Variants in ERC2 observed in about 807,000 individuals in gnomAD.
ERC2 encodes the protein ELKS/RAB6-interacting/CAST family member 2.
In ERC2, 42 loss-of-function variants were observed where a neutral mutation model predicts 114.8. The ratio of observed to expected loss-of-function variants is 0.37; its 90% CI spans 0.29 to 0.47. The LOEUF is 0.47. ERC2 is among the 20% of genes least tolerant of loss of function. The pLI is 0.99. For missense variants in ERC2, 939 were observed against 1,150.7 expected (o/e 0.82, Z 2.66); for synonymous variants, 454 against 425.5 (o/e 1.07, Z -0.82).
intron 3 of ERC2, among the ~76,000 whole-genome samples, chr3:56,191,595 C>A (rs2047786726): frequency 1.3e-5 from 2 of 152,078 alleles, no homozygotes; most frequent in South Asian, 4.1e-4. Flanking sequence ...GATAGATGAA[C>A]AGATGGGCAG....
intron 13 of ERC2, among the ~76,000 whole-genome samples, chr3:55,910,851 T>C (rs1158954108): frequency 6.6e-6 from 1 of 152,172 alleles, no homozygotes; most frequent in Non-Finnish European, 1.5e-5. Flanking sequence ...ACTAGAATAT[T>C]TTGCTTTGTA....
At chr3:55,614,723 C>G (rs1457802781) in intron 17 of ERC2, among the ~76,000 whole-genome samples, 1 of 152,148 alleles carries the variant, frequency 6.6e-6, no homozygotes, top group African/African-American at 2.4e-5. Context: ...TTAGAGGCCC[C>G]TACAAAGTAG....
chr3:56,185,353 T>C (rs1462260028), intron 3 of ERC2: 1 of 152,216 alleles, frequency 6.6e-6, no homozygotes, highest in African/African-American at 2.4e-5. Context: ...ATTTGAACAT[T>C]ATATTCATCT....
intron 2 of ERC2, among the ~76,000 whole-genome samples, chr3:56,421,177 G>C (rs1301112573): frequency 6.6e-6 from 1 of 152,206 alleles, no homozygotes; most frequent in Non-Finnish European, 1.5e-5. Flanking sequence ...ATAGACAGAA[G>C]TTAACTAGTT....
intron 6 of ERC2, among the ~76,000 whole-genome samples, chr3:56,136,042 T>G (rs1346938702): frequency 6.6e-6 from 1 of 152,170 alleles, no homozygotes; most frequent in Non-Finnish European, 1.5e-5. Flanking sequence ...ATTATTCTAT[T>G]GATTTATTGC....
intron 6 of ERC2, among the ~76,000 whole-genome samples, chr3:56,109,383 T>C (rs748206679): frequency 1.3e-5 from 2 of 152,324 alleles, no homozygotes; most frequent in South Asian, 2.1e-4. Flanking sequence ...TAGTATTCCA[T>C]GCTGTATATG....
At chr3:56,029,458 G>T (rs1008844129) in intron 7 of ERC2, among the ~76,000 whole-genome samples, 2 of 151,974 alleles carry the variant, frequency 1.3e-5, no homozygotes, top group Admixed American at 6.5e-5. Flanking sequence ...ATCAGGGCTT[G>T]GAAATTTCTT....
intron 12 of ERC2, among the ~76,000 whole-genome samples, chr3:55,973,925 T>G (rs1214344583): frequency 6.6e-6 from 1 of 152,156 alleles, no homozygotes; most frequent in African/African-American, 2.4e-5. Flanking sequence ...GGAAGTTTAG[T>G]TAGTCACTTT....
At chr3:56,239,242 C>G (rs1447385012) in intron 3 of ERC2, among the ~76,000 whole-genome samples, 1 of 152,176 alleles carries the variant, frequency 6.6e-6, no homozygotes, top group Non-Finnish European at 1.5e-5. Flanking sequence ...ACGAGCCAGG[C>G]ATGGTGGCTC....
At position 56,199,878 on chromosome 3, in the gene ERC2, T is replaced by A. The variant is rs373105948; in HGVS notation, c.1075-26358A>T. Among the ~76,000 whole-genome samples the A allele has an allele frequency of 1.1e-4, 16 of 152,080 alleles. 1 individual carries two copies. The South Asian group carries it at 3.3e-3, about 32-fold the overall frequency. ...AATGGATGAAGGAGAAACTGTGGAC[T>A]CAGGACACTAGATAAGAAGGGAATG... On this transcript the variant is annotated intron_variant, in intron 3 of 17. Coordinates refer to ENST00000288221, the MANE Select transcript of ERC2 (RefSeq NM_015576.3).
intron 7 of ERC2, among the ~76,000 whole-genome samples, chr3:56,033,353 A>G (rs1395513947): frequency 6.6e-6 from 1 of 152,220 alleles, no homozygotes; most frequent in Non-Finnish European, 1.5e-5. Flanking sequence ...ATGTTCCACT[A>G]TTACAGTTTT....
chr3:56,162,330 C>T (rs1201423521), intron 4 of ERC2, among the ~76,000 whole-genome samples: 3 of 151,942 alleles, frequency 2.0e-5, no homozygotes, highest in Non-Finnish European at 4.4e-5. Context: ...AGGGATACTG[C>T]CCTGTAGTTT....
intron 17 of ERC2, among the ~76,000 whole-genome samples, chr3:55,642,135 G>C (rs2060209963): frequency 6.6e-6 from 1 of 152,260 alleles, no homozygotes; most frequent in South Asian, 2.1e-4. Context: ...AATGTATAGA[G>C]TTGGGGATTG....
chr3:55,802,601 T>A (rs2059343437), intron 14 of ERC2, among the ~76,000 whole-genome samples: 1 of 152,210 alleles, frequency 6.6e-6, no homozygotes, highest in Non-Finnish European at 1.5e-5. Context: ...AAATATTTGG[T>A]TTTCATGGTT....
chr3:56,007,558 T>C (rs1478817708), intron 9 of ERC2, among the ~76,000 whole-genome samples: 1 of 152,100 alleles, frequency 6.6e-6, no homozygotes, highest in Non-Finnish European at 1.5e-5. Flanking sequence ...GTGTGGTCAG[T>C]AAATGCATGT....
chr3:55,518,092 C>G (rs1238677781), intron 17 of ERC2, among the ~76,000 whole-genome samples: 3 of 152,092 alleles, frequency 2.0e-5, no homozygotes, highest in Non-Finnish European at 4.4e-5. Flanking sequence ...TAGATGCCAG[C>G]AGCACTGCCC....
chr3:56,434,920 G>T lies in ERC2; in HGVS notation c.88C>A (p.Arg30=). ...RLPRSPRLGH[R]RTSSGGGGGT... ...CCACCTCCCCCACTACTTGTTCTTCGGTGGCCCAAACGAGGAGACCTTGGC... is the reference window on the plus strand; with the variant it reads ...CCACCTCCCCCACTACTTGTTCTTCTGTGGCCCAAACGAGGAGACCTTGGC... The change falls in exon 2 of 18, where the codon CGA becomes AGA. Residue 30 remains arginine, a synonymous_variant. Coordinates refer to ENST00000288221, the MANE Select transcript of ERC2 (RefSeq NM_015576.3). 1 of 1,613,824 alleles carries T rather than the reference G, an allele frequency of 6.2e-7. No homozygotes were observed. The highest frequency in any genetic ancestry group is 8.5e-7 in the Non-Finnish European group (1 of 1,179,862).
intron 3 of ERC2, among the ~76,000 whole-genome samples, chr3:56,235,078 G>C (rs1560432037): frequency 6.6e-6 from 1 of 152,148 alleles, no homozygotes; most frequent in Non-Finnish European, 1.5e-5. Context: ...GTTTATGGTA[G>C]AACAACTGCT....
At chr3:56,350,712 C>T (rs564321656) in intron 2 of ERC2, among the ~76,000 whole-genome samples, 3 of 151,820 alleles carry the variant, frequency 2.0e-5, no homozygotes, top group Non-Finnish European at 4.4e-5. Context: ...AGACTGGAGC[C>T]AAGTAAAAAA....
Sources: allele counts gnomAD v4.1 joint callset (sites outside exome capture counted in the v4.1 genomes callset), GRCh38; gene constraint gnomAD v4.1.1; transcripts MANE v1.5; gene names NCBI Gene and HGNC (gene_info 2026-07-23, HGNC 2026-07-21).